SFMBT1: variants seen among roughly 807,000 people sequenced by gnomAD.
SFMBT1 encodes the protein Scm like with four mbt domains 1, also known as scm-like with four MBT domains protein 1.
SFMBT1 carries 32 observed loss-of-function variants against 108.7 expected under a neutral mutation model. The observed-to-expected ratio is 0.29, with a 90% CI of 0.22 to 0.40. SFMBT1 has a LOEUF of 0.40. SFMBT1 is among the 10% of genes least tolerant of loss of function. The pLI is 1.00. For missense variants in SFMBT1, 816 were observed against 1,059.6 expected, an observed-to-expected ratio of 0.77 and a Z score of 3.19; for synonymous variants, 348 against 369.5, an observed-to-expected ratio of 0.94 and a Z score of 0.67.
intron 3 of SFMBT1, among the ~76,000 whole-genome samples, chr3:52,944,125 T>A (rs1703281437): frequency 6.6e-6 from 1 of 152,200 alleles, no homozygotes. Context: ...CTAATTTAGA[T>A]GAAACATTAT....
At chr3:52,963,056 C>T (rs1329976643) in intron 2 of SFMBT1, among the ~76,000 whole-genome samples, 1 of 151,706 alleles carries the variant, frequency 6.6e-6, no homozygotes, top group Non-Finnish European at 1.5e-5. Flanking sequence ...TGTGGTGGTG[C>T]GATCTCGGCT....
chr3:52,923,275 G>GTATGTATAATATTATGTAT, intron 10 of SFMBT1, among the ~76,000 whole-genome samples: 1 of 152,226 alleles, frequency 6.6e-6, no homozygotes, highest in East Asian at 1.9e-4. Context: ...CTTAGAGCAA[G>GTATGTATAATATTATGTAT]AATAGTATGA....
At chr3:53,018,393 C>T (rs948452452) in intron 1 of SFMBT1, among the ~76,000 whole-genome samples, 1 of 152,104 alleles carries the variant, frequency 6.6e-6, no homozygotes, top group Non-Finnish European at 1.5e-5. Context: ...AAAGGAAAAT[C>T]CCTTCCCTGA....
rs147415889 is a variant in SFMBT1, at chr3:53,038,244, C to T, written c.-131+7572G>A. ...AACTGTCTCCTACCCTGTATCTCCTCCCCTAACCATTGACTTTTACTACCG... is the reference window on the plus strand; with the variant it reads ...AACTGTCTCCTACCCTGTATCTCCTTCCCTAACCATTGACTTTTACTACCG... On this transcript the variant is annotated intron_variant, in intron 1 of 20. Transcript: ENST00000394752. 4.4e-3 allele frequency among the ~76,000 whole-genome samples: 672 copies of T among 152,326 alleles called. 2 individuals carry two copies. Among genetic ancestry groups the T allele is most frequent in the Middle Eastern group, 0.017 (5 of 294 alleles).
intron 3 of SFMBT1, among the ~76,000 whole-genome samples, chr3:52,951,486 G>A (rs1441208634): frequency 6.7e-6 from 1 of 148,988 alleles, no homozygotes; most frequent in Non-Finnish European, 1.5e-5. Context: ...GCATGATCTT[G>A]GCTCACTGCA....
intron 1 of SFMBT1, among the ~76,000 whole-genome samples, chr3:52,975,317 C>T (rs1704481190): frequency 6.6e-6 from 1 of 152,160 alleles, no homozygotes; most frequent in Non-Finnish European, 1.5e-5. Flanking sequence ...TTCTCCAAAT[C>T]CCAATAGGGC....
At chr3:52,944,405 A>C (rs1192014792) in intron 3 of SFMBT1, among the ~76,000 whole-genome samples, 1 of 152,246 alleles carries the variant, frequency 6.6e-6, no homozygotes, top group Non-Finnish European at 1.5e-5. Context: ...CGAATAATAG[A>C]GATGGAGACA....
intron 4 of SFMBT1, among the ~76,000 whole-genome samples, chr3:52,938,808 C>T (rs915920409): frequency 6.6e-6 from 1 of 152,178 alleles, no homozygotes; most frequent in African/African-American, 2.4e-5. Flanking sequence ...TATAGCTATA[C>T]ATATATTTAA....
chr3:53,044,865 G>C (rs1466043240), intron 1 of SFMBT1: 1 of 152,370 alleles, frequency 6.6e-6, no homozygotes, highest in Non-Finnish European at 1.5e-5. Flanking sequence ...CACAAGCTCT[G>C]GGGGTGACCT....
At chr3:52,958,046 T>C (rs1407136925) in intron 2 of SFMBT1, among the ~76,000 whole-genome samples, 1 of 152,160 alleles carries the variant, frequency 6.6e-6, no homozygotes, top group Non-Finnish European at 1.5e-5. Flanking sequence ...GGAGAACATT[T>C]CTGTAATCTC....
intron 1 of SFMBT1, among the ~76,000 whole-genome samples, chr3:53,019,392 G>C (rs1002577209): frequency 3.3e-5 from 5 of 150,246 alleles, no homozygotes; most frequent in Non-Finnish European, 7.4e-5. Flanking sequence ...TGTGTGGGGG[G>C]GGTATATGTG....
At chr3:52,972,744 AACACACACAC>A (rs55859723) in intron 1 of SFMBT1, among the ~76,000 whole-genome samples, 1,513 of 95,120 alleles carry the variant, frequency 0.016, 45 homozygotes, top group African/African-American at 0.062. Flanking sequence ...ATCTCTACTA[AACACACACAC>A]ACACACACAC....
intron 4 of SFMBT1, among the ~76,000 whole-genome samples, chr3:52,937,502 C>G (rs1160323387): frequency 6.6e-6 from 1 of 152,086 alleles, no homozygotes; most frequent in Non-Finnish European, 1.5e-5. Context: ...AAATAAGGTA[C>G]ATTCATAAAA....
At chr3:53,000,745 A>G (rs1698518335) in intron 1 of SFMBT1, among the ~76,000 whole-genome samples, 3 of 148,028 alleles carry the variant, frequency 2.0e-5, no homozygotes, top group South Asian at 2.1e-4. Context: ...AAACTAAAAC[A>G]TGCCTAATGC....
chr3:52,934,697 A>G (rs1479119495), intron 5 of SFMBT1, 116 bp downstream of exon 5: 3 of 804,456 alleles, frequency 3.7e-6, no homozygotes, highest in Non-Finnish European at 5.8e-6. Context: ...ACCTATGCCT[A>G]TGTCTCTAAT....
At chr3:53,036,119 C>A (rs145123170) in intron 1 of SFMBT1, among the ~76,000 whole-genome samples, 1 of 152,332 alleles carries the variant, frequency 6.6e-6, no homozygotes, top group East Asian at 1.9e-4. Flanking sequence ...AAACATAGAG[C>A]ATGCCCTCAA....
intron 17 of SFMBT1, among the ~76,000 whole-genome samples, chr3:52,908,550 C>G (rs1403496252): frequency 6.6e-6 from 1 of 152,124 alleles, no homozygotes; most frequent in Non-Finnish European, 1.5e-5. Context: ...AAGTTTGGCT[C>G]TATTTCTGGA....
At chr3:52,922,073 C>A (rs891017944) in intron 10 of SFMBT1, among the ~76,000 whole-genome samples, 9 of 152,276 alleles carry the variant, frequency 5.9e-5, no homozygotes, top group African/African-American at 2.2e-4. Context: ...ACTTGTATGA[C>A]CTTGCTCAAG....
At chr3:52,932,020 C>T in intron 6 of SFMBT1, 42 bp downstream of exon 6, 2 of 1,587,294 alleles carry the variant, frequency 1.3e-6, no homozygotes, top group Admixed American at 1.7e-5. Flanking sequence ...AATAACATAG[C>T]ATGTTAATGT....
Sources: gnomAD v4.1 joint callset for allele counts (sites outside exome capture counted in the v4.1 genomes callset) on GRCh38, gnomAD v4.1.1 for gene constraint, MANE v1.5 for transcripts, NCBI Gene and HGNC (gene_info 2026-07-23, HGNC 2026-07-21) for gene names.